CDK8: variants seen among roughly 807,000 people sequenced by gnomAD.
CDK8 encodes the protein cyclin-dependent kinase 8.
In CDK8, 29 loss-of-function variants were observed where a neutral mutation model predicts 71.5. The observed-to-expected ratio is 0.41, with a 90% CI of 0.30 to 0.55. CDK8 has a LOEUF of 0.55. Ranked by LOEUF, CDK8 falls within the 20% of genes least tolerant of loss-of-function variation. The probability of loss-of-function intolerance (pLI) is 0.37; values close to 1 mark genes in which losing one functional copy is unlikely to be tolerated. For synonymous variants in CDK8, 161 were observed against 192.1 expected (o/e 0.84, Z 1.34); for missense variants, 288 against 572.6 (o/e 0.50, Z 5.07).
At chr13:26,375,433 C>CT (rs1874899109) in intron 4 of CDK8, among the ~76,000 whole-genome samples, 1 of 152,200 alleles carries the variant, frequency 6.6e-6, no homozygotes, top group South Asian at 2.1e-4. Context: ...GCCTATCACT[C>CT]TTAAGATACA....
At chr13:26,395,108 T>G (rs1875921983) in intron 7 of CDK8, among the ~76,000 whole-genome samples, 1 of 152,176 alleles carries the variant, frequency 6.6e-6, no homozygotes, top group South Asian at 2.1e-4. Flanking sequence ...TATGTTTAGT[T>G]TACAATATGT....
At chr13:26,273,563 A>G (rs1872428440) in intron 1 of CDK8, among the ~76,000 whole-genome samples, 1 of 152,050 alleles carries the variant, frequency 6.6e-6, no homozygotes, top group African/African-American at 2.4e-5. Context: ...ATACATACAC[A>G]TATATGATAT....
chr13:26,341,828 A>G (rs1284674819), intron 2 of CDK8, among the ~76,000 whole-genome samples: 1 of 77,578 alleles, frequency 1.3e-5, no homozygotes, highest in Non-Finnish European at 2.5e-5. Flanking sequence ...CTTAGAACTC[A>G]GAAAATAAGA....
intron 7 of CDK8, among the ~76,000 whole-genome samples, chr13:26,395,962 AAG>A (rs1257535687): frequency 6.6e-6 from 1 of 152,032 alleles, no homozygotes; most frequent in East Asian, 1.9e-4. Context: ...TACTAATAGA[AAG>A]AGGACATTTA....
chr13:26,400,991 T>C (rs1025829325), intron 10 of CDK8, among the ~76,000 whole-genome samples: 2 of 152,210 alleles, frequency 1.3e-5, no homozygotes, highest in African/African-American at 4.8e-5. Flanking sequence ...ATTTGGTCTG[T>C]ATTAATAGAA....
chr13:26,321,574 A>AGG (rs1874777460), intron 1 of CDK8, among the ~76,000 whole-genome samples: 2 of 152,120 alleles, frequency 1.3e-5, no homozygotes, highest in Non-Finnish European at 2.9e-5. Context: ...AATGGAAAAA[A>AGG]AGTGACAATG....
intron 2 of CDK8, among the ~76,000 whole-genome samples, chr13:26,344,340 T>C (rs1873370169): frequency 6.6e-6 from 1 of 152,228 alleles, no homozygotes; most frequent in Non-Finnish European, 1.5e-5. Flanking sequence ...TGAATAGTGC[T>C]GCAATGAACA....
chr13:26,312,539 T>C (rs1231948906), intron 1 of CDK8, among the ~76,000 whole-genome samples: 1 of 152,056 alleles, frequency 6.6e-6, no homozygotes, highest in Non-Finnish European at 1.5e-5. Flanking sequence ...GCGGCTTCAC[T>C]CCTGAAGTCA....
At chr13:26,337,858 T>C (rs186582992) in intron 2 of CDK8, among the ~76,000 whole-genome samples, 2 of 152,212 alleles carry the variant, frequency 1.3e-5, no homozygotes, top group East Asian at 1.9e-4. Flanking sequence ...ATTTCAGTTG[T>C]TTATATAAAT....
intron 1 of CDK8, among the ~76,000 whole-genome samples, chr13:26,333,144 C>CTT (rs995483753): frequency 1.4e-5 from 2 of 146,402 alleles, no homozygotes; most frequent in Non-Finnish European, 3.0e-5. Flanking sequence ...TATATACCTT[C>CTT]TTTTTTTTTT....
At chr13:26,355,705 A>AT (rs1237175911) in intron 4 of CDK8, among the ~76,000 whole-genome samples, 1 of 152,182 alleles carries the variant, frequency 6.6e-6, no homozygotes, top group Non-Finnish European at 1.5e-5. Flanking sequence ...AATTTTGGCC[A>AT]TTGGGGTGGA....
chr13:26,362,843 A>AAACTATCCAAACTATCAAAC (rs1874209855), intron 4 of CDK8, among the ~76,000 whole-genome samples: 1 of 152,166 alleles, frequency 6.6e-6, no homozygotes, highest in Admixed American at 6.5e-5. Flanking sequence ...AAAATATGTG[A>AAACTATCCAAACTATCAAAC]TATCCAAAAT....
At chr13:26,268,416 A>C (rs941888509) in intron 1 of CDK8, among the ~76,000 whole-genome samples, 2 of 151,932 alleles carry the variant, frequency 1.3e-5, no homozygotes, top group African/African-American at 4.8e-5. Flanking sequence ...CTTGGGCTTA[A>C]CCCATTCTCC....
intron 12 of CDK8, among the ~76,000 whole-genome samples, chr13:26,402,753 C>G (rs966954601): frequency 1.3e-5 from 2 of 152,156 alleles, no homozygotes; most frequent in African/African-American, 4.8e-5. Context: ...TGTTTGCACA[C>G]TAAGGTGATG....
intron 1 of CDK8, among the ~76,000 whole-genome samples, chr13:26,256,671 A>G (rs1871538558): frequency 6.6e-6 from 1 of 152,238 alleles, no homozygotes; most frequent in East Asian, 1.9e-4. Context: ...ATAATTTGAA[A>G]GAATAATTTC....
intron 1 of CDK8, among the ~76,000 whole-genome samples, chr13:26,291,942 G>A (rs1328566922): frequency 1.3e-5 from 2 of 151,980 alleles, no homozygotes; most frequent in Non-Finnish European, 2.9e-5. Context: ...TTTTTGAAAG[G>A]GAGTGAATGG....
chr13:26,342,348 G>T (rs1873278887), intron 2 of CDK8, among the ~76,000 whole-genome samples: 1 of 152,184 alleles, frequency 6.6e-6, no homozygotes, highest in Admixed American at 6.5e-5. Flanking sequence ...ACCAAGGAAA[G>T]CCTGCATACT....
chr13:26,293,470 C>T (rs9285348), intron 1 of CDK8, among the ~76,000 whole-genome samples: 16,490 of 151,458 alleles, frequency 0.11, 2,636 homozygotes, highest in African/African-American at 0.35. Flanking sequence ...CTGGCCATGG[C>T]GGTGTGCACC....
intron 3 of CDK8, among the ~76,000 whole-genome samples, chr13:26,352,470 CCTCCCAAAGTT>C (rs1226053158): frequency 5.9e-5 from 9 of 152,192 alleles, no homozygotes; most frequent in African/African-American, 1.9e-4. Flanking sequence ...CCCGCCTCAG[CCTCCCAAAGTT>C]CTGGGATTAC....
Sources: allele counts gnomAD v4.1 joint callset (sites outside exome capture counted in the v4.1 genomes callset), GRCh38; gene constraint gnomAD v4.1.1; transcripts MANE v1.5; gene names NCBI Gene and HGNC (gene_info 2026-07-23, HGNC 2026-07-21).